Variants in NAT1 observed in about 807,000 individuals in gnomAD.
The protein encoded by NAT1 is arylamine N-acetyltransferase 1.
For missense variants in NAT1, 400 were observed against 339.2 expected (o/e 1.18, Z -1.41); for synonymous variants, 144 against 122.6 (o/e 1.17, Z -1.16).
chr8:18,184,335 T>C (rs191938793), intron 2 of NAT1, among the ~76,000 whole-genome samples: 108 of 152,194 alleles, frequency 7.1e-4, no homozygotes, highest in African/African-American at 2.6e-3. Context: ...ACAGCCCTGA[T>C]AGAGAGCAGC....
intron 2 of NAT1, among the ~76,000 whole-genome samples, chr8:18,202,944 TAGAGTACTGATTGGTCGATTTTAC>T (rs1803537715): frequency 6.6e-6 from 1 of 152,170 alleles, no homozygotes; most frequent in Non-Finnish European, 1.5e-5. Flanking sequence ...GTCCATTTTA[TAGAGTACTGATTGGTCGATTTTAC>T]AGAGTACTGA....
chr8:18,203,659 T>C lies in NAT1; in HGVS notation n.93-6122T>C, dbSNP rs145229481. Among the ~76,000 whole-genome samples, 109 of 152,338 alleles carry C rather than the reference T, an allele frequency of 7.2e-4. 1 individual carries two copies. In the East Asian group the frequency reaches 0.014, roughly 19 times the overall value. On this transcript the variant is annotated intron_variant and non_coding_transcript_variant, in intron 2 of 4. Transcript: ENST00000517441. Reference sequence around the variant, plus strand: ...GACAGACATTATCCTCACAGCTCTGTCCTCCATTGTGAGCTCTATAATTGG... The same window carrying C: ...GACAGACATTATCCTCACAGCTCTGCCCTCCATTGTGAGCTCTATAATTGG...
chr8:18,197,580 G>A (rs1033942095), intron 2 of NAT1, among the ~76,000 whole-genome samples: 1 of 152,172 alleles, frequency 6.6e-6, no homozygotes, highest in Non-Finnish European at 1.5e-5. Context: ...CAGTAGTGTT[G>A]AGATTCAGAA....
intron 1 of NAT1, among the ~76,000 whole-genome samples, chr8:18,213,521 C>G (rs1804315879): frequency 6.6e-6 from 1 of 152,106 alleles, no homozygotes; most frequent in African/African-American, 2.4e-5. Context: ...AAACTGTCAA[C>G]TAACCTCTAA....
rs756034918 is a variant in NAT1 at position 18,222,519 on chromosome 8, T to C, written c.472T>C (p.Phe158Leu). The C allele has an allele frequency of 6.2e-7, 1 of 1,614,118 alleles. No individual in the cohort carries two copies. The highest frequency in any genetic ancestry group is 1.1e-5 in the South Asian group (1 of 91,076). The change falls in exon 3 of 3, where the codon TTC becomes CTC. Residue 158 changes from phenylalanine (F) to leucine (L), a missense_variant. Transcript: ENST00000307719. ...CTTCCGTTTGACGGAAGAGAATGGATTCTGGTATCTAGACCAAATCAGAAG... is the reference window on the plus strand; with the variant it reads ...CTTCCGTTTGACGGAAGAGAATGGACTCTGGTATCTAGACCAAATCAGAAG... ...CVFRLTEENG[F>L]WYLDQIRREQ... is the part of the protein sequence containing the mutation.
At chr8:18,197,671 C>T (rs1355681836) in intron 2 of NAT1, among the ~76,000 whole-genome samples, 1 of 152,176 alleles carries the variant, frequency 6.6e-6, no homozygotes, top group African/African-American at 2.4e-5. Context: ...AAACAGCATC[C>T]TTTCTCTCAT....
chr8:18,205,762 G>A (rs527382298), upstream of NAT1, among the ~76,000 whole-genome samples: 15 of 152,200 alleles, frequency 9.9e-5, no homozygotes, highest in African/African-American at 1.4e-4. Flanking sequence ...CATGGGGGCC[G>A]CCATGCTAGA....
chr8:18,190,033 G>T (rs1802918325), intron 2 of NAT1, among the ~76,000 whole-genome samples: 1 of 152,122 alleles, frequency 6.6e-6, no homozygotes, highest in Non-Finnish European at 1.5e-5. Context: ...CAAGGGATCT[G>T]TCCACCTTGG....
At chr8:18,176,563 C>T (rs1424844116) in intron 2 of NAT1, among the ~76,000 whole-genome samples, 6 of 150,138 alleles carry the variant, frequency 4.0e-5, no homozygotes, top group Non-Finnish European at 5.9e-5. Flanking sequence ...TTGGTTGAGG[C>T]GTCTGTTTTT....
intron 2 of NAT1, among the ~76,000 whole-genome samples, chr8:18,190,058 G>A (rs1802919391): frequency 6.6e-6 from 1 of 152,182 alleles, no homozygotes; most frequent in African/African-American, 2.4e-5. Flanking sequence ...CCAAAGTGCT[G>A]GGATTACAGG....
chr8:18,217,043 A>G lies in NAT1; in HGVS notation c.-85-2368A>G, dbSNP rs771347242. The G allele has an allele frequency of 6.3e-6, 8 of 1,279,746 alleles. No individual in the cohort carries two copies. The African/African-American group carries it at 1.2e-4, about 19-fold the overall frequency. The allele number at this position is 1,279,746 out of a possible 1,614,324, so 79.3% of individuals were successfully genotyped here. A position where few individuals can be genotyped will look rare whatever the true frequency, so the allele number is the denominator to read the frequency against. On this transcript the variant is annotated intron_variant, in intron 1 of 2. Transcript: ENST00000307719. ...TCCAGTTTCGCATACAAAAAGGGAG[A>G]AAGGCAACTTGTAGATTGGGTGCTG...
chr8:18,189,248 T>G (rs1469247094), intron 2 of NAT1, among the ~76,000 whole-genome samples: 1 of 152,122 alleles, frequency 6.6e-6, no homozygotes, highest in Admixed American at 6.6e-5. Flanking sequence ...TTTATTCACT[T>G]TATTATTTTT....
At chr8:18,194,878 T>TTGGATTCA (rs1389045255) in intron 2 of NAT1, among the ~76,000 whole-genome samples, 2 of 151,990 alleles carry the variant, frequency 1.3e-5, no homozygotes, top group Non-Finnish European at 2.9e-5. Flanking sequence ...GTTTCTCTTG[T>TTGGATTCA]TGGATTCATC....
intron 2 of NAT1, among the ~76,000 whole-genome samples, chr8:18,199,204 C>T (rs1803360608): frequency 6.6e-6 from 1 of 150,402 alleles, no homozygotes; most frequent in African/African-American, 2.5e-5. Context: ...GTCTCAGCTA[C>T]TTGGGAGGCT....
At chr8:18,195,323 C>T (rs1490083467) in intron 2 of NAT1, among the ~76,000 whole-genome samples, 4 of 152,222 alleles carry the variant, frequency 2.6e-5, no homozygotes, top group African/African-American at 9.6e-5. Flanking sequence ...TCCAGAACTG[C>T]AGTCCCTAAA....
intron 2 of NAT1, among the ~76,000 whole-genome samples, chr8:18,175,047 AT>A: frequency 7.6e-6 from 1 of 132,054 alleles, no homozygotes; most frequent in Middle Eastern, 3.7e-3. Flanking sequence ...TGATTCCTTA[AT>A]TTTTTTGTAG....
chr8:18,174,275 A>G (rs60345769), intron 2 of NAT1, among the ~76,000 whole-genome samples: 1 of 152,160 alleles, frequency 6.6e-6, no homozygotes, highest in African/African-American at 2.4e-5. Flanking sequence ...ATCACTGATT[A>G]CAACATTCTC....
chr8:18,217,844 G>T (rs1194708750), intron 1 of NAT1, among the ~76,000 whole-genome samples: 1 of 152,176 alleles, frequency 6.6e-6, no homozygotes, highest in Non-Finnish European at 1.5e-5. Context: ...GCAGGGGCTG[G>T]TGCAGGGAAT....
intron 2 of NAT1, among the ~76,000 whole-genome samples, chr8:18,182,029 C>A (rs1381573035): frequency 6.6e-6 from 1 of 152,134 alleles, no homozygotes; most frequent in East Asian, 1.9e-4. Flanking sequence ...CTTCCCCAAG[C>A]AGGAATTGTC....
Sources: gnomAD v4.1 joint callset for allele counts (sites outside exome capture counted in the v4.1 genomes callset) on GRCh38, gnomAD v4.1.1 for gene constraint, MANE v1.5 for transcripts, NCBI Gene and HGNC (gene_info 2026-07-23, HGNC 2026-07-21) for gene names.